Variants in NAP1L4 observed in about 807,000 individuals in gnomAD.
The protein encoded by NAP1L4 is nucleosome assembly protein 1-like 4.
Under a neutral mutation model 58.2 loss-of-function variants are expected in NAP1L4, and 15 were observed. The observed-to-expected ratio is 0.26, with a 90% CI of 0.17 to 0.40. NAP1L4 has a LOEUF of 0.40. Among genes scored for constraint, NAP1L4 ranks in the 10% least tolerant of loss-of-function variants. The pLI, the probability that NAP1L4 is intolerant of heterozygous loss-of-function variation, is 1.00. For missense variants in NAP1L4, 384 were observed against 451.1 expected, an observed-to-expected ratio of 0.85 and a Z score of 1.35; for synonymous variants, 171 against 155.6, an observed-to-expected ratio of 1.10 and a Z score of -0.74.
chr11:2,971,317 C>A lies in NAP1L4; in HGVS notation c.402+131G>T. On this transcript the variant is annotated intron_variant, in intron 6 of 15. Coordinates refer to ENST00000380542, the MANE Select transcript of NAP1L4 (RefSeq NM_005969.4). The surrounding 1 kb of genome is among the most constrained non-coding windows in gnomAD (Gnocchi z 4.2). ...GATCCATATCAGAAAGGAATCTAAA[C>A]CCAACCTAATGATGCAGCAGCACCT... 1.4e-6 allele frequency: 1 copy of A among 734,680 alleles called. No homozygotes were observed. Among genetic ancestry groups the A allele is most frequent in the South Asian group, 1.8e-5 (1 of 54,174 alleles). 45.5% of individuals were successfully genotyped at this position (734,680 alleles called of 1,614,324 possible). A position where few individuals can be genotyped will look rare whatever the true frequency, so the allele number is the denominator to read the frequency against.
chr11:2,955,630 G>A lies in NAP1L4; in HGVS notation c.915+114C>T. 2 of 1,022,414 alleles carry A rather than the reference G, an allele frequency of 2.0e-6. No homozygotes were observed. Among genetic ancestry groups the A allele is most frequent in the Admixed American group, 2.1e-5 (1 of 48,730 alleles). 63.3% of individuals were successfully genotyped at this position (1,022,414 alleles called of 1,614,324 possible). On this transcript the variant is annotated intron_variant, in intron 11 of 15. Coordinates refer to ENST00000380542, the MANE Select transcript of NAP1L4 (RefSeq NM_005969.4). The surrounding 1 kb of genome is among the most constrained non-coding windows in gnomAD (Gnocchi z 4.2). ...GCCTCCCAAAGCATTAAGATCACTGGCATACCCAGTCCACACACAGCCAGG... is the reference window on the plus strand; with the variant it reads ...GCCTCCCAAAGCATTAAGATCACTGACATACCCAGTCCACACACAGCCAGG...
chr11:2,962,502 T>C (rs1846984468), intron 8 of NAP1L4, among the ~76,000 whole-genome samples: 1 of 152,218 alleles, frequency 6.6e-6, no homozygotes, highest in African/African-American at 2.4e-5. Context: ...CATTTATCTT[T>C]ATAACTTAAA....
At chr11:2,957,575 A>C (rs1846617454) in intron 10 of NAP1L4, among the ~76,000 whole-genome samples, 1 of 152,248 alleles carries the variant, frequency 6.6e-6, no homozygotes, top group Non-Finnish European at 1.5e-5. Context: ...CATGGAAACT[A>C]AAGAGAATAT....
intron 14 of NAP1L4, among the ~76,000 whole-genome samples, chr11:2,950,211 C>T (rs1846151660): frequency 6.6e-6 from 1 of 152,266 alleles, no homozygotes; most frequent in Non-Finnish European, 1.5e-5. Context: ...TCAGCAGAGT[C>T]CTCCCACATC....
At chr11:2,975,444 A>C (rs1052986464) in intron 4 of NAP1L4, among the ~76,000 whole-genome samples, 8 of 152,074 alleles carry the variant, frequency 5.3e-5, no homozygotes, top group African/African-American at 1.9e-4. Context: ...AAGAAAGCAA[A>C]GGTGTCAGCC....
rs1314506046 is a variant in NAP1L4, at chr11:2,945,780, T to TA, written c.*33-135dup. 9.2e-5 allele frequency: 61 copies of TA among 665,864 alleles called. No homozygotes were observed. In the Middle Eastern group the frequency reaches 1.6e-3, roughly 18 times the overall value. The allele number at this position is 665,864 out of a possible 1,614,324, so 41.2% of individuals were successfully genotyped here. On this transcript the variant is annotated intron_variant, in intron 15 of 15. Transcript: ENST00000380542. ...AAAATGGTTACTGCAAATATACTTTTAAAAATAGTGACAAAAACAAAGCTA... is the reference window on the plus strand; with the variant it reads ...AAAATGGTTACTGCAAATATACTTTTAAAAAATAGTGACAAAAACAAAGCTA...
In NAP1L4 at chr11:2,976,112, C is replaced by T. The variant is rs199855833; in HGVS notation, c.85G>A (p.Asp29Asn). The change falls in exon 4 of 16, where the codon GAT becomes AAT. Residue 29 changes from aspartate to asparagine, a missense_variant. Coordinates refer to ENST00000380542, the MANE Select transcript of NAP1L4 (RefSeq NM_005969.4). ...KNASNTEKLT[D>N]QVMQNPRVLA... ...ACTCGAGGATTCTGCATCACCTGAT[C>T]TGTGAGCTTTTCTATGAAGAGTTAA... 1.1e-5 allele frequency: 18 copies of T among 1,612,966 alleles called. No homozygotes were observed. Among genetic ancestry groups the T allele is most frequent in the African/African-American group, 6.7e-5 (5 of 74,820 alleles).
At chr11:2,975,254 G>T (rs559348310) in intron 4 of NAP1L4, among the ~76,000 whole-genome samples, 1 of 151,838 alleles carries the variant, frequency 6.6e-6, no homozygotes, top group African/African-American at 2.4e-5. Context: ...GGAGTTCAAG[G>T]TTACAATGAA....
At position 2,964,751 on chromosome 11, in the gene NAP1L4, C is replaced by T. The variant is rs768706468; in HGVS notation, c.535G>A (p.Glu179Lys). Residue 179 changes from glutamate to lysine, a missense_variant and splice_region_variant, in exon 8 of 16, where the codon GAA becomes AAA. Physicochemically the swap from Glu to Lys is moderately conservative, Grantham distance 56 (BLOSUM62 1). Transcript: ENST00000380542. Reference protein sequence around the residue: ...NVDMLSELVQEYDEPILKHLQ... With the variant: ...NVDMLSELVQKYDEPILKHLQ... ...TGTTTCAAGATTGGTTCATCATATT[C>T]CTAATCAAAAAGAGAAAAAAAATTC... 1 of 1,611,620 alleles carries T rather than the reference C, an allele frequency of 6.2e-7. No individual in the cohort carries two copies. Among genetic ancestry groups the T allele is most frequent in the South Asian group, 1.1e-5 (1 of 90,988 alleles).
chr11:2,945,631 G>A lies in NAP1L4; in HGVS notation c.*48C>T, dbSNP rs1275412182. 5 of 1,535,984 alleles carry A rather than the reference G, an allele frequency of 3.3e-6. No individual in the cohort carries two copies. The highest frequency in any genetic ancestry group is 4.4e-6 in the Non-Finnish European group (5 of 1,146,856). On this transcript the variant is annotated 3_prime_UTR_variant, in exon 16 of 16. Coordinates refer to ENST00000380542, the MANE Select transcript of NAP1L4 (RefSeq NM_005969.4). ...TCCTACTGCTGCTTGCATTCCGCCG[G>A]CTGGCTGGGTTCCTTCTGTCAATGA...
At chr11:2,963,042 G>A (rs1465995154) in intron 8 of NAP1L4, among the ~76,000 whole-genome samples, 1 of 137,950 alleles carries the variant, frequency 7.2e-6, no homozygotes, top group Admixed American at 8.1e-5. Context: ...AGAGGTTGCA[G>A]TGAGCCGAGA....
chr11:2,958,351 A>G, intron 10 of NAP1L4, 48 bp downstream of exon 10: 1 of 1,603,688 alleles, frequency 6.2e-7, no homozygotes, highest in Non-Finnish European at 8.5e-7. Context: ...GGTGACCAAA[A>G]TTATTTTATA....
At chr11:2,966,576 C>T (rs1033849927) in intron 7 of NAP1L4, among the ~76,000 whole-genome samples, 6 of 152,126 alleles carry the variant, frequency 3.9e-5, no homozygotes, top group Non-Finnish European at 7.3e-5. Context: ...ATTTTCAACT[C>T]TTCTGACATA....
intron 1 of NAP1L4, among the ~76,000 whole-genome samples, chr11:2,980,083 A>G (rs1415983466): frequency 1.3e-5 from 2 of 152,210 alleles, no homozygotes; most frequent in Non-Finnish European, 2.9e-5. Context: ...TTTAAAGATG[A>G]TTATTTCTAT....
chr11:2,966,806 C>G (rs1250170537), intron 7 of NAP1L4, among the ~76,000 whole-genome samples: 2 of 152,148 alleles, frequency 1.3e-5, no homozygotes, highest in African/African-American at 4.8e-5. Context: ...TCATCCCACT[C>G]AAAGACGCAG....
At chr11:2,972,667 T>C (rs1176308908) in intron 4 of NAP1L4, among the ~76,000 whole-genome samples, 1 of 152,236 alleles carries the variant, frequency 6.6e-6, no homozygotes. Flanking sequence ...CCAGTAATTC[T>C]ATTTCTAAGA....
chr11:2,973,070 C>A (rs1270792535), intron 4 of NAP1L4, among the ~76,000 whole-genome samples: 2 of 152,192 alleles, frequency 1.3e-5, no homozygotes, highest in African/African-American at 2.4e-5. Context: ...GCAAGTGCAA[C>A]AGCATTCAAA....
At chr11:2,966,556 T>C (rs1394362927) in intron 7 of NAP1L4, among the ~76,000 whole-genome samples, 3 of 152,194 alleles carry the variant, frequency 2.0e-5, no homozygotes, top group Admixed American at 1.3e-4. Flanking sequence ...TGATTTTCCG[T>C]TGAGTCCTAA....
chr11:2,973,452 CAG>C (rs1847765600), intron 4 of NAP1L4, among the ~76,000 whole-genome samples: 2 of 152,116 alleles, frequency 1.3e-5, no homozygotes, highest in African/African-American at 2.4e-5. Context: ...TTCACACAAT[CAG>C]AGTCTTCAAG....
Sources: allele counts gnomAD v4.1 joint callset (sites outside exome capture counted in the v4.1 genomes callset), GRCh38; gene constraint gnomAD v4.1.1; non-coding constraint Gnocchi (gnomAD v3.1); transcripts MANE v1.5; gene names NCBI Gene and HGNC (gene_info 2026-07-23, HGNC 2026-07-21).